Variants in TMEM132A observed in about 807,000 individuals in gnomAD.
TMEM132A encodes GRP78-binding protein.
A neutral mutation model predicts 69.9 loss-of-function variants in TMEM132A; 48 were observed. The observed-to-expected ratio is 0.69, with a 90% CI of 0.55 to 0.87. TMEM132A has a LOEUF of 0.87. TMEM132A is among the 40% of genes least tolerant of loss of function. The pLI, the probability that TMEM132A is intolerant of heterozygous loss-of-function variation, is 0.00. For synonymous variants in TMEM132A, 577 were observed against 613.7 expected (o/e 0.94, Z 0.88); for missense variants, 1,287 against 1,407.2 (o/e 0.91, Z 1.37).
chr11:60,936,802 C>T lies in TMEM132A; in HGVS notation c.2967C>T (p.Ile989=), dbSNP rs774046919. The T allele has an allele frequency of 4.3e-6, 7 of 1,613,424 alleles. No homozygotes were observed. Among genetic ancestry groups the T allele is most frequent in the Admixed American group, 3.3e-5 (2 of 59,894 alleles). Residue 989 remains isoleucine (I), a synonymous_variant, in exon 11 of 11, where the codon ATC becomes ATT. Coordinates refer to ENST00000453848, the MANE Select transcript of TMEM132A (RefSeq NM_178031.3). ...TAGGGGCCCCTGCTGTGCAGTCCAT[C>T]CTTGTGGCAGGCGAGGAGGACATCC... is the stretch of plus-strand genomic sequence containing the variant. ...EPVGAPAVQS[I]LVAGEEDIRW...
In TMEM132A at chr11:60,935,705, T is replaced by C; in HGVS notation, c.2029-159T>C. ...CTAGGGCTGAGTGGCAGACAGGTGA[T>C]TGACACGCGTCCCCTCTCTCCCTGT... is the stretch of plus-strand genomic sequence containing the variant. On this transcript the variant is annotated intron_variant, in intron 10 of 10. Transcript: ENST00000453848. The surrounding 1 kb of genome is among the most constrained non-coding windows in gnomAD (Gnocchi z 5.0). The C allele has an allele frequency of 9.8e-6, 9 of 918,150 alleles. No individual in the cohort carries two copies. Among genetic ancestry groups the C allele is most frequent in the Non-Finnish European group, 1.5e-5 (9 of 609,502 alleles). The allele number at this position is 918,150 out of a possible 1,614,324, so 56.9% of individuals were successfully genotyped here. A position where few individuals can be genotyped will look rare whatever the true frequency, so the allele number is the denominator to read the frequency against.
rs760853384 is a variant in TMEM132A, at chr11:60,932,118, G to C, written c.1347G>C (p.Gln449His). ...TCGGCTGCGAGTCTGCCAACACACA[G>C]GTCCTGCAGGTGAGTGGCAGGTGCC... The part of the protein sequence containing the change: ...EHVGCESANT[Q>H]VLQVSEACDA... The change falls in exon 7 of 11, where the codon CAG becomes CAC. Residue 449 changes from glutamine (Q) to histidine (H), a missense_variant. By Grantham distance (24) the Gln-to-His change is conservative (BLOSUM62 0). Transcript: ENST00000453848. 5.2e-6 allele frequency: 8 copies of C among 1,536,560 alleles called. No individual in the cohort carries two copies. In the Admixed American group the frequency reaches 6.3e-5, roughly 12 times the overall value.
In TMEM132A at chr11:60,928,879, A is replaced by C. The variant is rs1856412500; in HGVS notation, c.785A>C (p.Asp262Ala). The C allele has an allele frequency of 6.2e-7, 1 of 1,612,692 alleles. No homozygotes were observed. The highest frequency in any genetic ancestry group is 8.5e-7 in the Non-Finnish European group (1 of 1,180,022). Residue 262 changes from aspartate to alanine, a missense_variant, in exon 4 of 11, where the codon GAC becomes GCC. Asp to Ala is a moderately radical substitution (Grantham distance 126). Coordinates refer to ENST00000453848, the MANE Select transcript of TMEM132A (RefSeq NM_178031.3). ...LDEAVTLRVP[D>A]MPVRPGQLFS... ...GAGGCTGTGACTCTGCGGGTGCCTG[A>C]CATGCCAGTGCGGCCCGGCCAGCTC...
intron 9 of TMEM132A, 72 bp downstream of exon 9, chr11:60,934,836 G>T: frequency 1.4e-6 from 2 of 1,460,470 alleles, no homozygotes; most frequent in Non-Finnish European, 1.8e-6. Flanking sequence ...TTCGTGGGTG[G>T]GAGTGAAGAG....
intron 8 of TMEM132A, chr11:60,934,151 A>G: frequency 2.8e-6 from 1 of 361,464 alleles, no homozygotes; most frequent in Non-Finnish European, 4.9e-6. Flanking sequence ...GCTCCCCAAA[A>G]CCCAGGGAGA....
At chr11:60,934,397 G>T in intron 8 of TMEM132A, 91 bp from the exon 9 acceptor site, 1 of 1,184,984 alleles carries the variant, frequency 8.4e-7, no homozygotes, top group South Asian at 2.3e-5. Flanking sequence ...AGGAGCCGCC[G>T]GGGACGAGCT....
chr11:60,931,091 C>T (rs529009447), intron 5 of TMEM132A, among the ~76,000 whole-genome samples: 1 of 152,328 alleles, frequency 6.6e-6, no homozygotes, highest in South Asian at 2.1e-4. Context: ...TCAGTAGCCC[C>T]AGTTCGAATT....
chr11:60,928,317 A>G (rs1262519323), intron 3 of TMEM132A, among the ~76,000 whole-genome samples: 1 of 152,138 alleles, frequency 6.6e-6, no homozygotes, highest in Non-Finnish European at 1.5e-5. Flanking sequence ...GGATTCTGAG[A>G]AGAAGACTGG....
In TMEM132A at chr11:60,936,448, C is replaced by T. The variant is rs961345267; in HGVS notation, c.2613C>T (p.Phe871=). The T allele has an allele frequency of 5.6e-6, 9 of 1,614,204 alleles. No individual in the cohort carries two copies. Among genetic ancestry groups the T allele is most frequent in the South Asian group, 1.1e-5 (1 of 91,090 alleles). Residue 871 remains phenylalanine (F), a synonymous_variant, in exon 11 of 11, where the codon TTC becomes TTT. Coordinates refer to ENST00000453848, the MANE Select transcript of TMEM132A (RefSeq NM_178031.3). ...TCTTCTTGGTCAATGGTGTGGTCTT[C>T]GTCCTGCGCTATCAGCGCAAAGAAC... ...IFIFLVNGVV[F]VLRYQRKEPP...
rs1856370071 is a variant in TMEM132A at position 60,927,400 on chromosome 11, A to C, written c.297A>C (p.Pro99=). Residue 99 remains proline, a synonymous_variant, in exon 2 of 11, where the codon CCA becomes CCC. Coordinates refer to ENST00000453848, the MANE Select transcript of TMEM132A (RefSeq NM_178031.3). ...RAQPLLRASY[P]PFATQQVVPP... The stretch of plus-strand genomic sequence containing the variant: ...AGCCACTTCTCCGGGCCTCCTACCC[A>C]CCTTTTGCCACTCAGCAGGTAAGGA... 6.2e-7 allele frequency: 1 copy of C among 1,612,130 alleles called. No homozygotes were observed. The highest frequency in any genetic ancestry group is 1.7e-5 in the Admixed American group (1 of 59,856).
In TMEM132A at chr11:60,935,965, G is replaced by A. The variant is rs200183082; in HGVS notation, c.2130G>A (p.Glu710=). The part of the protein sequence containing the change: ...RDLGLSVSAE[E]PGAILPAEEQ... Reference sequence around the variant, plus strand: ...TGGGACTGTCCGTCTCAGCCGAGGAGCCTGGTGCCATCCTGCCAGCTGAGG... The same window carrying A: ...TGGGACTGTCCGTCTCAGCCGAGGAACCTGGTGCCATCCTGCCAGCTGAGG... Residue 710 remains glutamate, a synonymous_variant, in exon 11 of 11, where the codon GAG becomes GAA. Coordinates refer to ENST00000453848, the MANE Select transcript of TMEM132A (RefSeq NM_178031.3). This position sits in a 1 kb window ranked among gnomAD's most constrained non-coding sequence, Gnocchi z 5.0. 1.2e-5 allele frequency: 20 copies of A among 1,611,452 alleles called. No homozygotes were observed. In the Admixed American group the frequency reaches 1.7e-4, roughly 13 times the overall value.
At chr11:60,929,344 A>G (rs983851533) in intron 4 of TMEM132A, among the ~76,000 whole-genome samples, 1 of 152,200 alleles carries the variant, frequency 6.6e-6, no homozygotes, top group Middle Eastern at 3.2e-3. Flanking sequence ...ATTTGCCCCA[A>G]TCACGTTCAC....
chr11:60,935,364 C>T lies in TMEM132A; in HGVS notation c.1949C>T (p.Thr650Ile). 2 of 1,612,854 alleles carry T rather than the reference C, an allele frequency of 1.2e-6. No individual in the cohort carries two copies. Among genetic ancestry groups the T allele is most frequent in the Non-Finnish European group, 1.7e-6 (2 of 1,179,696 alleles). ...CAGCCAGTGATGGGCATCTCGCTGA[C>T]CTTGAGCCGGGGCACTGCCCACCCC... ...RVQPVMGISL[T>I]LSRGTAHPGE... The change falls in exon 10 of 11, where the codon ACC (threonine) becomes ATC (isoleucine). Residue 650 changes from threonine (T) to isoleucine (I), a missense_variant. Physicochemically the swap from Thr to Ile is moderately conservative, Grantham distance 89. Coordinates refer to ENST00000453848, the MANE Select transcript of TMEM132A (RefSeq NM_178031.3). The surrounding 1 kb of genome is among the most constrained non-coding windows in gnomAD (Gnocchi z 5.0).
In TMEM132A at chr11:60,936,232, C is replaced by T; in HGVS notation, c.2397C>T (p.Gly799=). 1 of 1,613,998 alleles carries T rather than the reference C, an allele frequency of 6.2e-7. No homozygotes were observed. The highest frequency in any genetic ancestry group is 8.5e-7 in the Non-Finnish European group (1 of 1,179,950). Residue 799 remains glycine, a synonymous_variant, in exon 11 of 11, where the codon GGC becomes GGT. Coordinates refer to ENST00000453848, the MANE Select transcript of TMEM132A (RefSeq NM_178031.3). ...ATMGGKRQVA[G]SVGGNTGVRG... is the part of the protein sequence containing the mutation. ...TGGGTGGTAAACGGCAGGTGGCAGG[C>T]AGTGTCGGGGGCAACACAGGTGTGA...
At chr11:60,924,773 C>T (rs1480967548) in intron 1 of TMEM132A, 40 bp downstream of exon 1, 5 of 1,407,382 alleles carry the variant, frequency 3.6e-6, no homozygotes, top group Non-Finnish European at 3.8e-6. Flanking sequence ...GGCGGCCGGG[C>T]CCGGCCGAGT....
At chr11:60,934,237 G>T (rs1462121973) in intron 8 of TMEM132A, 2 of 407,780 alleles carry the variant, frequency 4.9e-6, no homozygotes, top group Admixed American at 4.5e-5. Flanking sequence ...GTAAGAGAGC[G>T]TCTCCCCTGC....
At chr11:60,928,321 A>C (rs1856397222) in intron 3 of TMEM132A, among the ~76,000 whole-genome samples, 1 of 152,184 alleles carries the variant, frequency 6.6e-6, no homozygotes. Context: ...TCTGAGAAGA[A>C]GACTGGATTC....
At chr11:60,934,388 G>C in intron 8 of TMEM132A, 100 bp from the exon 9 acceptor site, 1 of 1,127,476 alleles carries the variant, frequency 8.9e-7, no homozygotes, top group Non-Finnish European at 1.1e-6. Flanking sequence ...CTGGTGATTA[G>C]GAGCCGCCGG....
chr11:60,931,592 C>G (rs562568989), intron 5 of TMEM132A, 97 bp from the exon 6 acceptor site: 48 of 1,257,334 alleles, frequency 3.8e-5, no homozygotes, highest in African/African-American at 2.1e-4. Context: ...TCAGTTTCCT[C>G]CTGTGTAAAA....
Sources: allele counts gnomAD v4.1 joint callset (sites outside exome capture counted in the v4.1 genomes callset), GRCh38; gene constraint gnomAD v4.1.1; non-coding constraint Gnocchi (gnomAD v3.1); transcripts MANE v1.5; gene names NCBI Gene and HGNC (gene_info 2026-07-23, HGNC 2026-07-21).